Variants in RPS6KC1 observed in about 807,000 individuals in gnomAD.
RPS6KC1 encodes ribosomal protein S6 kinase C1.
In RPS6KC1, 54 loss-of-function variants were observed where a neutral mutation model predicts 103.8. The observed-to-expected ratio is 0.52, with a 90% CI of 0.42 to 0.65. The LOEUF (loss-of-function observed/expected upper bound fraction) is 0.65. Among genes scored for constraint, RPS6KC1 ranks in the 30% least tolerant of loss-of-function variants. The pLI is 0.00. For synonymous variants in RPS6KC1, 439 were observed against 438.7 expected (o/e 1.00, Z -0.01); for missense variants, 1,151 against 1,253.8 (o/e 0.92, Z 1.24).
At chr1:213,816,251 T>C in the RPS6KC1 span, among the ~76,000 whole-genome samples, 1 of 152,144 alleles carries the variant, frequency 6.6e-6, no homozygotes, top group Non-Finnish European at 1.5e-5. Flanking sequence ...AGTGAGCATG[T>C]GATATTGGAA....
chr1:213,615,814 G>A, the RPS6KC1 span, among the ~76,000 whole-genome samples: 1 of 152,244 alleles, frequency 6.6e-6, no homozygotes, highest in Admixed American at 6.5e-5. Flanking sequence ...GCTTCCCTTT[G>A]AGAAGGCTCT....
intron 10 of RPS6KC1, among the ~76,000 whole-genome samples, chr1:213,235,143 A>G (rs1558597807): frequency 6.6e-6 from 1 of 152,212 alleles, no homozygotes; most frequent in Admixed American, 6.5e-5. Flanking sequence ...CATAACATGA[A>G]TGCTTTGAAT....
chr1:213,155,317 A>G (rs2089745846), intron 6 of RPS6KC1, among the ~76,000 whole-genome samples: 1 of 152,116 alleles, frequency 6.6e-6, no homozygotes, highest in East Asian at 1.9e-4. Context: ...GTTCAGTACT[A>G]GGACTCGCCT....
intron 6 of RPS6KC1, among the ~76,000 whole-genome samples, chr1:213,137,837 A>G (rs67650715): frequency 6.3e-5 from 2 of 31,512 alleles, no homozygotes; most frequent in African/African-American, 2.3e-4. Context: ...CCTTCCCCCC[A>G]CCCCCACCAA....
At chr1:213,623,053 A>T in the RPS6KC1 span, among the ~76,000 whole-genome samples, 74 of 152,258 alleles carry the variant, frequency 4.9e-4, no homozygotes, top group Non-Finnish European at 4.1e-4. Flanking sequence ...ATATGCCTCG[A>T]TCGATCCATT....
the RPS6KC1 span, among the ~76,000 whole-genome samples, chr1:213,750,658 G>T: frequency 2.0e-5 from 3 of 152,182 alleles, no homozygotes; most frequent in African/African-American, 7.2e-5. Context: ...GAACCTGTTG[G>T]AGTGTAGGTA....
the RPS6KC1 span, among the ~76,000 whole-genome samples, chr1:213,621,369 C>T: frequency 7.1e-6 from 1 of 141,386 alleles, no homozygotes; most frequent in Non-Finnish European, 1.5e-5. Context: ...TGTCACTCTT[C>T]TGCTAAGAGA....
intron 1 of RPS6KC1, among the ~76,000 whole-genome samples, chr1:213,057,818 C>T (rs1161434429): frequency 8.8e-5 from 11 of 125,630 alleles, no homozygotes; most frequent in Non-Finnish European, 1.6e-4. Context: ...GGCTGGAGTG[C>T]AGTGGCGTGA....
At chr1:213,728,133 C>G in the RPS6KC1 span, among the ~76,000 whole-genome samples, 1 of 151,616 alleles carries the variant, frequency 6.6e-6, no homozygotes, top group Non-Finnish European at 1.5e-5. Context: ...TATGAAGCAG[C>G]GTGATAAGCG....
At chr1:213,080,639 C>G (rs1048868370) in intron 3 of RPS6KC1, among the ~76,000 whole-genome samples, 7 of 152,160 alleles carry the variant, frequency 4.6e-5, no homozygotes, top group African/African-American at 1.7e-4. Flanking sequence ...GTGGTGCAGT[C>G]CCACAGCCTC....
At chr1:213,144,302 G>A (rs1181919166) in intron 6 of RPS6KC1, among the ~76,000 whole-genome samples, 1 of 151,958 alleles carries the variant, frequency 6.6e-6, no homozygotes, top group East Asian at 1.9e-4. Flanking sequence ...TAGAGACAGG[G>A]TCTTGCCTTG....
chr1:213,819,704 T>C, the RPS6KC1 span: 1 of 152,218 alleles, frequency 6.6e-6, no homozygotes, highest in East Asian at 1.9e-4. Flanking sequence ...TAGAAAGTGC[T>C]CTGGTGACAT....
chr1:213,119,360 T>C (rs947046070), intron 5 of RPS6KC1, among the ~76,000 whole-genome samples: 1 of 146,730 alleles, frequency 6.8e-6, no homozygotes, highest in African/African-American at 2.5e-5. Context: ...GGCATGAGAA[T>C]TGCCTGAACC....
At chr1:213,430,045 A>C in the RPS6KC1 span, among the ~76,000 whole-genome samples, 5 of 152,216 alleles carry the variant, frequency 3.3e-5, no homozygotes, top group Non-Finnish European at 5.9e-5. Flanking sequence ...GGCTCTGCTT[A>C]GACTGACCCT....
the RPS6KC1 span, among the ~76,000 whole-genome samples, chr1:213,489,510 A>G: frequency 2.5e-3 from 382 of 152,326 alleles, 2 homozygotes; most frequent in Non-Finnish European, 4.3e-3. Flanking sequence ...TTGAGCATCT[A>G]CTTTATTCCA....
the RPS6KC1 span, among the ~76,000 whole-genome samples, chr1:213,702,074 C>T: frequency 3.3e-5 from 5 of 151,862 alleles, no homozygotes; most frequent in African/African-American, 1.2e-4. Flanking sequence ...TCTGTCAATA[C>T]TGCTTTTGCT....
At chr1:213,339,677 A>C in the RPS6KC1 span, among the ~76,000 whole-genome samples, 3 of 152,222 alleles carry the variant, frequency 2.0e-5, no homozygotes, top group Non-Finnish European at 4.4e-5. Flanking sequence ...GAAGACAAGC[A>C]ATCGTTATCG....
chr1:213,600,615 AG>A, the RPS6KC1 span, among the ~76,000 whole-genome samples: 1 of 152,044 alleles, frequency 6.6e-6, no homozygotes, highest in Non-Finnish European at 1.5e-5. Context: ...TTAGGGAGGG[AG>A]CAAAGCTGGA....
intron 8 of RPS6KC1, among the ~76,000 whole-genome samples, chr1:213,195,527 G>A (rs1054872028): frequency 3.9e-5 from 6 of 152,132 alleles, no homozygotes; most frequent in African/African-American, 1.4e-4. Flanking sequence ...AAGTTCTTTA[G>A]TGGTGATTTC....
Sources: gnomAD v4.1 joint callset for allele counts (sites outside exome capture counted in the v4.1 genomes callset) on GRCh38, gnomAD v4.1.1 for gene constraint, MANE v1.5 for transcripts, NCBI Gene and HGNC (gene_info 2026-07-23, HGNC 2026-07-21) for gene names.